ATR: variants seen among roughly 807,000 people sequenced by gnomAD.
ATR encodes the protein serine/threonine-protein kinase ATR.
In ATR, 142 loss-of-function variants were observed where a neutral mutation model predicts 305.3. The observed-to-expected ratio is 0.47, with a 90% CI of 0.41 to 0.53. ATR has a LOEUF of 0.53. Ranked by LOEUF, ATR falls within the 20% of genes least tolerant of loss-of-function variation. The probability of loss-of-function intolerance (pLI) is 0.00; values close to 1 mark genes in which losing one functional copy is unlikely to be tolerated. For missense variants in ATR, 2,135 were observed against 3,133.1 expected (o/e 0.68, Z 7.60); for synonymous variants, 1,050 against 1,068.1 (o/e 0.98, Z 0.33).
At chr3:142,554,992 T>C (rs575315252) in intron 10 of ATR, among the ~76,000 whole-genome samples, 19 of 151,076 alleles carry the variant, frequency 1.3e-4, no homozygotes, top group Admixed American at 9.2e-4. Flanking sequence ...CCCCAGCACT[T>C]TGGGGGGACA....
At chr3:142,544,347 G>A (rs1381672290) in intron 16 of ATR, among the ~76,000 whole-genome samples, 1 of 150,130 alleles carries the variant, frequency 6.7e-6, no homozygotes, top group Middle Eastern at 3.4e-3. Flanking sequence ...AGCTACTCAG[G>A]AGGCTGAGGT....
chr3:142,532,365 G>A (rs1191456128), intron 21 of ATR, among the ~76,000 whole-genome samples: 1 of 151,942 alleles, frequency 6.6e-6, no homozygotes, highest in Non-Finnish European at 1.5e-5. Context: ...TATCTTTTTG[G>A]GATTTTATCA....
chr3:142,575,524 A>G (rs1242524430), intron 1 of ATR, among the ~76,000 whole-genome samples: 1 of 150,882 alleles, frequency 6.6e-6, no homozygotes, highest in Non-Finnish European at 1.5e-5. Flanking sequence ...TGTACTTCCT[A>G]TTCCATCCCA....
chr3:142,450,432 AT>A, intron 46 of ATR: 1 of 1,596,504 alleles, frequency 6.3e-7, no homozygotes, highest in South Asian at 1.1e-5. Context: ...AGTTTAGCTC[AT>A]TGAGACTACA....
At chr3:142,533,701 T>C (rs549823295) in intron 21 of ATR, among the ~76,000 whole-genome samples, 1 of 152,300 alleles carries the variant, frequency 6.6e-6, no homozygotes, top group African/African-American at 2.4e-5. Flanking sequence ...TATCCAGTTA[T>C]AGATGCTAAA....
intron 36 of ATR, among the ~76,000 whole-genome samples, chr3:142,474,235 TAAACA>T (rs1285751749): frequency 6.6e-6 from 1 of 151,642 alleles, no homozygotes; most frequent in Non-Finnish European, 1.5e-5. Context: ...CCAGAATTTT[TAAACA>T]AAACAAAACA....
chr3:142,555,828 G>A (rs2108469938), intron 10 of ATR, 49 bp downstream of exon 10: 2 of 1,555,582 alleles, frequency 1.3e-6, no homozygotes, highest in South Asian at 1.2e-5. Flanking sequence ...GATTTGAAAA[G>A]CAGAGCTTAA....
Position 142,576,350 on chromosome 3 carries a change from T to C in ATR, c.59+2296A>G, listed in dbSNP as rs2035438142. 2.6e-5 allele frequency among the ~76,000 whole-genome samples: 4 copies of C among 152,100 alleles called. 1 individual carries two copies. Among genetic ancestry groups the C allele is most frequent in the African/African-American group, 9.7e-5 (4 of 41,410 alleles). ...TGTTGAGTAAGCAACCTAATATATATCTCCGATCTAGAAATATAAATTTGG... is the reference window on the plus strand; with the variant it reads ...TGTTGAGTAAGCAACCTAATATATACCTCCGATCTAGAAATATAAATTTGG... On this transcript the variant is annotated intron_variant, in intron 1 of 46. Transcript: ENST00000350721.
Position 142,449,324 on chromosome 3 carries a change from A to C in ATR, c.*105T>G, listed in dbSNP as rs1282151505. 9.6e-7 allele frequency: 1 copy of C among 1,039,922 alleles called. No individual in the cohort carries two copies. Among genetic ancestry groups the C allele is most frequent in the Non-Finnish European group, 1.4e-6 (1 of 691,998 alleles). The allele number at this position is 1,039,922 out of a possible 1,614,324, so 64.4% of individuals were successfully genotyped here. A position where few individuals can be genotyped will look rare whatever the true frequency, so the allele number is the denominator to read the frequency against. ...TCAGAGAGAAATAACAGTTGCTGAG[A>C]ACGTAAATTTATGTTGTACTTTAGA... On this transcript the variant is annotated 3_prime_UTR_variant, in exon 47 of 47. Transcript: ENST00000350721.
chr3:142,462,231 C>A, intron 41 of ATR, 141 bp from the exon 42 acceptor site: 1 of 802,182 alleles, frequency 1.2e-6, no homozygotes, highest in South Asian at 1.8e-5. Context: ...ATGAATAATT[C>A]TTCTGAATGG....
At chr3:142,465,008 G>T (rs2071095588) in intron 41 of ATR, 89 bp downstream of exon 41, 1 of 879,672 alleles carries the variant, frequency 1.1e-6, no homozygotes. Flanking sequence ...TAGCAACTCT[G>T]AAATAAAAGC....
At chr3:142,509,931 T>G (rs1352371385) in intron 27 of ATR, among the ~76,000 whole-genome samples, 2 of 151,734 alleles carry the variant, frequency 1.3e-5, no homozygotes, top group South Asian at 4.1e-4. Context: ...CCCTGGGCAG[T>G]GTGGTGAAAC....
Position 142,493,333 on chromosome 3 carries a change from T to G in ATR, c.5899-22A>C, listed in dbSNP as rs138029986. 1.9e-6 allele frequency: 3 copies of G among 1,588,156 alleles called. No individual in the cohort carries two copies. In the African/African-American group the frequency reaches 4.1e-5, roughly 21 times the overall value. The stretch of plus-strand genomic sequence containing the variant: ...CACCCTAAAAGAAAAAAGGCAACAA[T>G]AAGCCTTTTAATTTAAAAACATACT... On this transcript the variant is annotated intron_variant, in intron 34 of 46. Coordinates refer to ENST00000350721, the MANE Select transcript of ATR (RefSeq NM_001184.4).
At chr3:142,575,801 G>GA in intron 1 of ATR, among the ~76,000 whole-genome samples, 1 of 152,188 alleles carries the variant, frequency 6.6e-6, no homozygotes, top group Non-Finnish European at 1.5e-5. Context: ...GTATCCTGGA[G>GA]AAACAAGGTC....
chr3:142,572,207 C>G (rs574913728), intron 1 of ATR, among the ~76,000 whole-genome samples: 1 of 151,138 alleles, frequency 6.6e-6, no homozygotes, highest in Admixed American at 6.6e-5. Flanking sequence ...GTAGCTGGGA[C>G]TACAGGCACG....
intron 45 of ATR, among the ~76,000 whole-genome samples, chr3:142,454,328 CA>C (rs1441783622): frequency 1.3e-5 from 2 of 152,106 alleles, no homozygotes; most frequent in African/African-American, 2.4e-5. Context: ...CAGACTAACA[CA>C]GGGGCTCTTG....
chr3:142,524,007 C>G lies in ATR; in HGVS notation c.4138G>C (p.Asp1380His), dbSNP rs2033265246. ...DFSTTETQGK[D>H]FTFVTGVEDS... is the part of the protein sequence containing the mutation. ...CCACTACTTACCACAAATGTAAAAT[C>G]TTTTCCTTGAGTTTCAGTTGTTGAG... Residue 1380 changes from aspartate to histidine, a missense_variant, in exon 22 of 47, where the codon GAT (aspartate) becomes CAT (histidine). By Grantham distance (81) the Asp-to-His change is moderately conservative. Around this residue, in one of 9 missense-constraint regions of ATR, gnomAD observed 530 missense variants for 766.8 expected, o/e 0.69. Transcript: ENST00000350721. 6.2e-7 allele frequency: 1 copy of G among 1,613,852 alleles called. No homozygotes were observed. Among genetic ancestry groups the G allele is most frequent in the Non-Finnish European group, 8.5e-7 (1 of 1,179,900 alleles).
chr3:142,541,545 C>T (rs1211932651), intron 17 of ATR, among the ~76,000 whole-genome samples: 1 of 152,132 alleles, frequency 6.6e-6, no homozygotes, highest in Admixed American at 6.5e-5. Flanking sequence ...TAATGATACA[C>T]TCAGAAAATG....
In ATR at chr3:142,558,741, A is replaced by T. The variant is rs2108477894; in HGVS notation, c.1768T>A (p.Leu590Ile). Residue 590 changes from leucine to isoleucine, a missense_variant, in exon 8 of 47, where the codon TTA (leucine) becomes ATA (isoleucine). By Grantham distance (5) the Leu-to-Ile change is conservative. This residue lies in a region of ATR where 744 missense variants were observed against 873.2 expected (regional missense o/e 0.85). Coordinates refer to ENST00000350721, the MANE Select transcript of ATR (RefSeq NM_001184.4). ...CATGGAAGTGAGAGCATACCACATA[A>T]ATCTTCCAGGATATGATCTTCAAAT... ...SSFEDHILEDLCGMLSLPWIY... is the reference protein window; with the variant it reads ...SSFEDHILEDICGMLSLPWIY... The T allele has an allele frequency of 5.0e-6, 8 of 1,611,200 alleles. No homozygotes were observed. The highest frequency in any genetic ancestry group is 6.8e-6 in the Non-Finnish European group (8 of 1,177,998).
Sources: allele counts gnomAD v4.1 joint callset (sites outside exome capture counted in the v4.1 genomes callset), GRCh38; gene constraint gnomAD v4.1.1; regional missense constraint gnomAD v4.1.1; transcripts MANE v1.5; gene names NCBI Gene and HGNC (gene_info 2026-07-23, HGNC 2026-07-21).